The following INPP4B variants were observed in gnomAD, a reference collection of about 807,000 sequenced individuals.
INPP4B encodes the protein inositol polyphosphate 4-phosphatase type II.
INPP4B carries 55 observed loss-of-function variants against 122.5 expected under a neutral mutation model. The observed-to-expected ratio is 0.45, with a 90% confidence interval of 0.36 to 0.56. The LOEUF (loss-of-function observed/expected upper bound fraction) is 0.56. Among genes scored for constraint, INPP4B ranks in the 20% least tolerant of loss-of-function variants. The pLI is 0.00. For missense variants in INPP4B, 1,000 were observed against 1,097.7 expected, an observed-to-expected ratio of 0.91 and a Z score of 1.26; for synonymous variants, 403 against 388.7, an observed-to-expected ratio of 1.04 and a Z score of -0.43.
At chr4:142,737,372 T>C (rs1182836409) in intron 1 of INPP4B, among the ~76,000 whole-genome samples, 1 of 152,222 alleles carries the variant, frequency 6.6e-6, no homozygotes, top group African/African-American at 2.4e-5. Flanking sequence ...AAGGATTCCC[T>C]ATTTAATAAA....
At chr4:142,156,269 T>C (rs1817140374) in intron 17 of INPP4B, among the ~76,000 whole-genome samples, 1 of 152,086 alleles carries the variant, frequency 6.6e-6, no homozygotes. Flanking sequence ...ATTTAGCCCT[T>C]AACCTATCAC....
intron 16 of INPP4B, among the ~76,000 whole-genome samples, chr4:142,161,445 T>G (rs78559976): frequency 0.029 from 4,337 of 152,086 alleles, 191 homozygotes; most frequent in African/African-American, 0.098. Context: ...TGGCCCATAT[T>G]GTTAACATAT....
In INPP4B at chr4:142,050,702, T is replaced by A. The variant is rs180891967; in HGVS notation, c.2643-21788A>T. 2.5e-4 allele frequency among the ~76,000 whole-genome samples: 38 copies of A among 152,164 alleles called. 2 individuals carry two copies. Among genetic ancestry groups the A allele is most frequent in the Admixed American group, 2.4e-3 (36 of 15,260 alleles). On this transcript the variant is annotated intron_variant, in intron 25 of 25. Coordinates refer to ENST00000262992, the MANE Select transcript of INPP4B (RefSeq NM_001101669.3). ...TTTGTAATATTTAAAATAGGGATGA[T>A]AAATTTGTATACACACAAACAAACA...
At chr4:142,223,519 C>T (rs931048728) in intron 12 of INPP4B, among the ~76,000 whole-genome samples, 3 of 152,114 alleles carry the variant, frequency 2.0e-5, no homozygotes, top group Admixed American at 1.3e-4. Flanking sequence ...ATGAGTTTTG[C>T]CTTATTCTTT....
intron 25 of INPP4B, among the ~76,000 whole-genome samples, chr4:142,057,871 A>G (rs1758535151): frequency 6.6e-6 from 1 of 152,174 alleles, no homozygotes; most frequent in South Asian, 2.1e-4. Flanking sequence ...ATTCCTTAAG[A>G]CCCAACTCAA....
intron 2 of INPP4B, among the ~76,000 whole-genome samples, chr4:142,673,539 AC>A (rs1212981444): frequency 6.6e-6 from 1 of 152,006 alleles, no homozygotes; most frequent in Non-Finnish European, 1.5e-5. Context: ...GTACTCTCCC[AC>A]CCAATGTTAA....
At chr4:142,547,749 G>T (rs1264627713) in intron 2 of INPP4B, among the ~76,000 whole-genome samples, 1 of 152,028 alleles carries the variant, frequency 6.6e-6, no homozygotes, top group Non-Finnish European at 1.5e-5. Flanking sequence ...AATTTACATT[G>T]AAAAAATGAC....
At chr4:142,115,321 A>G (rs1792560075) in intron 21 of INPP4B, among the ~76,000 whole-genome samples, 1 of 152,182 alleles carries the variant, frequency 6.6e-6, no homozygotes, top group Non-Finnish European at 1.5e-5. Context: ...CACCACAAAG[A>G]TATTCCTCGA....
chr4:142,460,476 T>C (rs1816482931), intron 3 of INPP4B, among the ~76,000 whole-genome samples: 2 of 152,300 alleles, frequency 1.3e-5, no homozygotes, highest in South Asian at 4.1e-4. Flanking sequence ...GGCTGGAATA[T>C]GATGTTTTTC....
At chr4:142,432,230 T>C (rs1403755680) in intron 3 of INPP4B, among the ~76,000 whole-genome samples, 1 of 152,128 alleles carries the variant, frequency 6.6e-6, no homozygotes, top group Admixed American at 6.6e-5. Flanking sequence ...TAAAAATATT[T>C]AAATGTCTGC....
At chr4:142,302,098 C>A in intron 9 of INPP4B, among the ~76,000 whole-genome samples, 1 of 152,110 alleles carries the variant, frequency 6.6e-6, no homozygotes, top group Non-Finnish European at 1.5e-5. Context: ...CAAACCAGAT[C>A]GAGATCAGGA....
chr4:142,809,509 C>G (rs960878844), intron 1 of INPP4B, among the ~76,000 whole-genome samples: 1 of 152,082 alleles, frequency 6.6e-6, no homozygotes, highest in African/African-American at 2.4e-5. Context: ...CTCCAGGTAC[C>G]TCTATAGTAA....
chr4:142,653,069 A>G (rs570821984), intron 2 of INPP4B, among the ~76,000 whole-genome samples: 133 of 152,294 alleles, frequency 8.7e-4, no homozygotes, highest in African/African-American at 3.2e-3. Context: ...AAATAACACC[A>G]CACATCTACA....
chr4:142,588,195 T>A (rs903556719), intron 2 of INPP4B, among the ~76,000 whole-genome samples: 2 of 151,928 alleles, frequency 1.3e-5, no homozygotes, highest in Admixed American at 6.6e-5. Flanking sequence ...TCAGTTAACA[T>A]TATATTTAAT....
At chr4:142,641,234 A>AT (rs1750339910) in intron 2 of INPP4B, among the ~76,000 whole-genome samples, 1 of 152,082 alleles carries the variant, frequency 6.6e-6, no homozygotes, top group East Asian at 1.9e-4. Flanking sequence ...CATACAAGAA[A>AT]ATGCTATACA....
intron 2 of INPP4B, among the ~76,000 whole-genome samples, chr4:142,724,921 T>C (rs545343644): frequency 1.3e-5 from 2 of 152,064 alleles, no homozygotes; most frequent in South Asian, 4.1e-4. Flanking sequence ...ACCCAATCAA[T>C]TCTAGTTAAT....
At chr4:142,397,372 C>T (rs1189129109) in intron 7 of INPP4B, among the ~76,000 whole-genome samples, 3 of 152,120 alleles carry the variant, frequency 2.0e-5, no homozygotes, top group East Asian at 1.9e-4. Context: ...ATTTCACAAC[C>T]GGTAATAACA....
At chr4:142,201,108 A>G (rs1840434265) in intron 14 of INPP4B, among the ~76,000 whole-genome samples, 1 of 152,092 alleles carries the variant, frequency 6.6e-6, no homozygotes, top group Non-Finnish European at 1.5e-5. Context: ...GGTCTTCAAA[A>G]AACTTGTTTT....
At chr4:142,213,252 T>A (rs1845640596) in intron 12 of INPP4B, among the ~76,000 whole-genome samples, 2 of 152,188 alleles carry the variant, frequency 1.3e-5, no homozygotes, top group South Asian at 4.1e-4. Flanking sequence ...AGGATGCAAC[T>A]TAATTTGCCT....
Sources: allele counts gnomAD v4.1 joint callset (sites outside exome capture counted in the v4.1 genomes callset), GRCh38; gene constraint gnomAD v4.1.1; transcripts MANE v1.5; gene names NCBI Gene and HGNC (gene_info 2026-07-23, HGNC 2026-07-21).